SNX29: variants seen among roughly 807,000 people sequenced by gnomAD.
The protein encoded by SNX29 is sorting nexin-29.
In SNX29, 78 loss-of-function variants were observed where a neutral mutation model predicts 102.1. That is an observed-to-expected ratio of 0.76 (90% CI 0.64 to 0.92). The LOEUF is 0.92. Ranked by LOEUF, SNX29 falls within the 40% of genes least tolerant of loss-of-function variation. SNX29 has a pLI of 0.00. For missense variants in SNX29, 1,280 were observed against 1,061.7 expected (o/e 1.21, Z -2.86); for synonymous variants, 580 against 414.5 (o/e 1.40, Z -4.85).
At chr16:12,560,140 C>G (rs577687892) in intron 20 of SNX29, among the ~76,000 whole-genome samples, 4 of 52,472 alleles carry the variant, frequency 7.6e-5, no homozygotes, top group East Asian at 2.8e-4. Flanking sequence ...TCCCCTCCCC[C>G]CCCCAACAAA....
intron 15 of SNX29, among the ~76,000 whole-genome samples, chr16:12,278,508 G>A (rs1303054352): frequency 6.6e-6 from 1 of 152,090 alleles, no homozygotes; most frequent in Non-Finnish European, 1.5e-5. Flanking sequence ...GAATAAAGTT[G>A]TACAAATTAC....
At chr16:12,003,691 G>T (rs1383706187) in intron 3 of SNX29, among the ~76,000 whole-genome samples, 1 of 152,156 alleles carries the variant, frequency 6.6e-6, no homozygotes, top group East Asian at 1.9e-4. Flanking sequence ...GTGATCATTT[G>T]TTCCTTTTAT....
chr16:12,006,654 T>C (rs1227582265), intron 3 of SNX29, among the ~76,000 whole-genome samples: 1 of 151,778 alleles, frequency 6.6e-6, no homozygotes, highest in East Asian at 1.9e-4. Context: ...AGGGTCTTGC[T>C]CTGTTGCTCA....
At chr16:12,332,956 T>G (rs1454787157) in intron 15 of SNX29, among the ~76,000 whole-genome samples, 1 of 152,026 alleles carries the variant, frequency 6.6e-6, no homozygotes, top group African/African-American at 2.4e-5. Context: ...GTGCGGTTAG[T>G]GTGCATGTAC....
intron 18 of SNX29, among the ~76,000 whole-genome samples, chr16:12,437,350 C>T (rs56829208): frequency 0.041 from 6,170 of 152,290 alleles, 256 homozygotes; most frequent in African/African-American, 0.1. Flanking sequence ...GTGGATGGGC[C>T]TGAGGCCCTG....
intron 3 of SNX29, among the ~76,000 whole-genome samples, chr16:12,020,363 T>C (rs1418699582): frequency 6.6e-6 from 1 of 152,004 alleles, no homozygotes; most frequent in East Asian, 1.9e-4. Context: ...AAAAAATTAT[T>C]TATTTATTTA....
intron 15 of SNX29, among the ~76,000 whole-genome samples, chr16:12,288,458 G>A (rs1225495681): frequency 6.6e-6 from 1 of 152,190 alleles, no homozygotes; most frequent in African/African-American, 2.4e-5. Context: ...GGGTCACCCT[G>A]CTCTGCAGCA....
At chr16:12,487,717 G>A (rs951598144) in intron 19 of SNX29, among the ~76,000 whole-genome samples, 5 of 152,164 alleles carry the variant, frequency 3.3e-5, no homozygotes, top group South Asian at 4.2e-4. Context: ...CAGCAGAGAT[G>A]CAGGGAGTTC....
intron 6 of SNX29, among the ~76,000 whole-genome samples, chr16:12,048,037 C>T (rs190209314): frequency 6.6e-6 from 1 of 152,188 alleles, no homozygotes; most frequent in East Asian, 1.9e-4. Flanking sequence ...TGTGCCTTTA[C>T]CTCCTCCCAG....
chr16:12,564,287 CCTATGAAGTTG>C (rs1242966262), intron 20 of SNX29, among the ~76,000 whole-genome samples: 2 of 152,188 alleles, frequency 1.3e-5, no homozygotes, highest in Non-Finnish European at 2.9e-5. Context: ...AGTAAAAGTT[CCTATGAAGTTG>C]CTGGCTAGAC....
intron 16 of SNX29, chr16:12,376,009 G>A (rs7198589): frequency 7.4e-6 from 1 of 135,494 alleles, no homozygotes; most frequent in African/African-American, 2.9e-5. Context: ...TTCCAGTCTG[G>A]GTGACAGAGC....
chr16:12,563,925 T>C (rs546420778), intron 20 of SNX29, among the ~76,000 whole-genome samples: 87 of 152,282 alleles, frequency 5.7e-4, no homozygotes, highest in African/African-American at 1.6e-3. Flanking sequence ...AGACCTACAA[T>C]ACCTAGACGC....
intron 14 of SNX29, among the ~76,000 whole-genome samples, chr16:12,276,349 T>G (rs976968144): frequency 6.6e-6 from 1 of 152,206 alleles, no homozygotes; most frequent in Non-Finnish European, 1.5e-5. Context: ...GGCCCAGGAC[T>G]CAGGGCTTCT....
chr16:12,445,483 G>A (rs536755430), intron 18 of SNX29, among the ~76,000 whole-genome samples: 1 of 152,294 alleles, frequency 6.6e-6, no homozygotes, highest in South Asian at 2.1e-4. Flanking sequence ...CATCCTAGGT[G>A]CCCACCTTGC....
intron 15 of SNX29, among the ~76,000 whole-genome samples, chr16:12,336,427 G>C (rs2081452208): frequency 1.3e-5 from 2 of 152,222 alleles, no homozygotes. Flanking sequence ...GTTGAGATTG[G>C]CCTGGACGTG....
At chr16:12,556,153 A>G (rs1423276697) in intron 20 of SNX29, among the ~76,000 whole-genome samples, 3 of 152,098 alleles carry the variant, frequency 2.0e-5, no homozygotes, top group African/African-American at 7.2e-5. Flanking sequence ...GAGTGGTTAA[A>G]TCGCTTTGTC....
intron 11 of SNX29, among the ~76,000 whole-genome samples, chr16:12,104,759 T>C (rs1170543959): frequency 1.3e-5 from 2 of 152,236 alleles, no homozygotes; most frequent in East Asian, 3.8e-4. Context: ...AAACCTCTTG[T>C]TATGTTTATC....
intron 18 of SNX29, among the ~76,000 whole-genome samples, chr16:12,410,589 G>T (rs1388672501): frequency 2.0e-5 from 3 of 152,052 alleles, no homozygotes; most frequent in African/African-American, 4.8e-5. Context: ...GGAACTGTAG[G>T]CATGTACCAC....
chr16:12,155,564 G>A (rs1011443240), intron 13 of SNX29, among the ~76,000 whole-genome samples: 4 of 152,152 alleles, frequency 2.6e-5, no homozygotes, highest in Admixed American at 6.5e-5. Flanking sequence ...CAGACACACT[G>A]AGCCAACTAT....
Sources: allele counts gnomAD v4.1 joint callset (sites outside exome capture counted in the v4.1 genomes callset), GRCh38; gene constraint gnomAD v4.1.1; transcripts MANE v1.5; gene names NCBI Gene and HGNC (gene_info 2026-07-23, HGNC 2026-07-21).